VIT: variants seen among roughly 807,000 people sequenced by gnomAD.
VIT encodes the protein vitrin.
Under a neutral mutation model 78.0 loss-of-function variants are expected in VIT, and 99 were observed. The observed-to-expected ratio is 1.27, with a 90% CI of 1.08 to 1.50. VIT has a LOEUF of 1.50. Ranked by LOEUF, VIT falls within the 40% of genes most tolerant of loss-of-function variation. The pLI, the probability that VIT is intolerant of heterozygous loss-of-function variation, is 0.00. For missense variants in VIT, 1,126 were observed against 875.3 expected, an observed-to-expected ratio of 1.29 and a Z score of -3.61; for synonymous variants, 374 against 334.3, an observed-to-expected ratio of 1.12 and a Z score of -1.29.
chr2:36,784,003 A>G (rs1475276112), intron 11 of VIT, among the ~76,000 whole-genome samples: 1 of 152,220 alleles, frequency 6.6e-6, no homozygotes, highest in Non-Finnish European at 1.5e-5. Flanking sequence ...GAGTTGTAAG[A>G]CAATGAGCTA....
intron 3 of VIT, among the ~76,000 whole-genome samples, chr2:36,736,925 CTG>C (rs1667542305): frequency 6.6e-6 from 1 of 152,158 alleles, no homozygotes; most frequent in Admixed American, 6.5e-5. Flanking sequence ...CAGGGACTGT[CTG>C]TATTTACCAC....
intron 14 of VIT, among the ~76,000 whole-genome samples, 183 bp from the exon 15 acceptor site, chr2:36,808,289 C>G (rs1666875854): frequency 2.0e-5 from 3 of 152,210 alleles, no homozygotes; most frequent in South Asian, 4.1e-4. Flanking sequence ...CCAGCGATAA[C>G]CCGGGGGCTT....
At chr2:36,751,772 G>C (rs996041165) in intron 4 of VIT, among the ~76,000 whole-genome samples, 5 of 152,180 alleles carry the variant, frequency 3.3e-5, no homozygotes, top group African/African-American at 9.6e-5. Flanking sequence ...GAGCAATTGA[G>C]TGCCACTGTG....
chr2:36,777,037 C>G (rs959830762), intron 9 of VIT, among the ~76,000 whole-genome samples: 4 of 145,020 alleles, frequency 2.8e-5, no homozygotes, highest in Admixed American at 7.1e-5. Context: ...TGCAGTGAGC[C>G]GAGATCACGC....
chr2:36,794,734 A>G (rs1036776793), intron 12 of VIT, among the ~76,000 whole-genome samples: 1 of 152,214 alleles, frequency 6.6e-6, no homozygotes, highest in Admixed American at 6.5e-5. Flanking sequence ...TTTAGCAATC[A>G]GAAAGGGTTT....
At chr2:36,804,559 C>A (rs1021353963) in intron 13 of VIT, among the ~76,000 whole-genome samples, 1 of 152,166 alleles carries the variant, frequency 6.6e-6, no homozygotes. Context: ...TGGCCAGGCA[C>A]GGTGGTTCAA....
intron 3 of VIT, among the ~76,000 whole-genome samples, chr2:36,729,837 T>C (rs1465938167): frequency 6.6e-6 from 1 of 152,214 alleles, no homozygotes; most frequent in Non-Finnish European, 1.5e-5. Context: ...AAAACTTATT[T>C]TGGCTAATGC....
chr2:36,702,822 T>A (rs1302489731), intron 1 of VIT, among the ~76,000 whole-genome samples: 1 of 152,186 alleles, frequency 6.6e-6, no homozygotes, highest in East Asian at 1.9e-4. Flanking sequence ...CCTACTGCGT[T>A]GGGGATTCCT....
Position 36,805,436 on chromosome 2 carries a change from A to T in VIT, c.1163-2A>T. ...CAAGCATGAATTTTCTTTTTCTTCC[A>T]GGTCGGGCCATCTCCTTTGTGACCA... On this transcript the variant is annotated splice_acceptor_variant, in intron 13 of 15. Transcript: ENST00000379242. LOFTEE classifies it high-confidence loss of function. 2 of 1,595,766 alleles carry T rather than the reference A, an allele frequency of 1.3e-6. No individual in the cohort carries two copies. The highest frequency in any genetic ancestry group is 1.1e-5 in the South Asian group (1 of 88,174).
intron 5 of VIT, among the ~76,000 whole-genome samples, chr2:36,756,600 C>T (rs1315672524): frequency 1.3e-5 from 2 of 152,144 alleles, no homozygotes; most frequent in Non-Finnish European, 2.9e-5. Flanking sequence ...TTGAGCAATC[C>T]ATGTTTCCTT....
chr2:36,743,215 G>T lies in VIT; in HGVS notation c.234G>T (p.Val78=). Residue 78 remains valine (V), a synonymous_variant, in exon 4 of 16, where the codon GTG becomes GTT. Transcript: ENST00000379242. ...DPKYHVYGTD[V]YASYSSVCGA... ...AATACCATGTTTATGGCACTGACGTGTATGCATCCTACTCCAGTGTGTGTG... is the reference window on the plus strand; with the variant it reads ...AATACCATGTTTATGGCACTGACGTTTATGCATCCTACTCCAGTGTGTGTG... The T allele has an allele frequency of 1.2e-6, 2 of 1,614,092 alleles. No homozygotes were observed. The highest frequency in any genetic ancestry group is 1.7e-6 in the Non-Finnish European group (2 of 1,179,960).
chr2:36,791,788 A>T (rs1665520772), intron 12 of VIT, among the ~76,000 whole-genome samples: 1 of 152,176 alleles, frequency 6.6e-6, no homozygotes, highest in Non-Finnish European at 1.5e-5. Flanking sequence ...AGCCATGGAG[A>T]CCCACGTCGG....
In VIT at chr2:36,801,370, G is replaced by T; in HGVS notation, c.1128G>T (p.Glu376Asp). Reference sequence around the variant, plus strand: ...CTCGAGATCTGAAGACAGCCATAGAGAAAATTACTCAGAGAGGAGGACTTT... The same window carrying T: ...CTCGAGATCTGAAGACAGCCATAGATAAAATTACTCAGAGAGGAGGACTTT... ...TNSRDLKTAI[E>D]KITQRGGLSN... The change falls in exon 13 of 16, where the codon GAG (glutamate) becomes GAT (aspartate). Residue 376 changes from glutamate to aspartate, a missense_variant. By Grantham distance (45) the Glu-to-Asp change is conservative. Transcript: ENST00000379242. 6.2e-7 allele frequency: 1 copy of T among 1,614,032 alleles called. No homozygotes were observed.
intron 1 of VIT, among the ~76,000 whole-genome samples, chr2:36,715,367 T>C (rs942122980): frequency 2.0e-5 from 3 of 151,926 alleles, no homozygotes; most frequent in Admixed American, 2.0e-4. Context: ...TGAAACCCAG[T>C]CTCTACTAAA....
At chr2:36,716,331 GT>G in intron 1 of VIT, 21 bp from the exon 2 acceptor site, 3 of 1,603,446 alleles carry the variant, frequency 1.9e-6, no homozygotes, top group Non-Finnish European at 2.6e-6. Context: ...ATATGATGAC[GT>G]TATTGTTTCT....
chr2:36,801,041 T>C (rs190860580), intron 12 of VIT, among the ~76,000 whole-genome samples: 1 of 152,146 alleles, frequency 6.6e-6, no homozygotes, highest in Non-Finnish European at 1.5e-5. Flanking sequence ...TTCATCTACA[T>C]GAGGAATCTG....
intron 3 of VIT, among the ~76,000 whole-genome samples, chr2:36,737,295 T>A (rs866204615): frequency 7.9e-5 from 12 of 151,758 alleles, no homozygotes; most frequent in Admixed American, 5.2e-4. Flanking sequence ...CACTGAGGAG[T>A]CACGGAAATG....
chr2:36,707,978 G>A (rs1008239134), intron 1 of VIT, among the ~76,000 whole-genome samples: 1 of 152,160 alleles, frequency 6.6e-6, no homozygotes, highest in Non-Finnish European at 1.5e-5. Context: ...CTGGGGGATT[G>A]TAGTGATGAC....
At chr2:36,788,495 T>C (rs573706115) in intron 12 of VIT, among the ~76,000 whole-genome samples, 7 of 152,356 alleles carry the variant, frequency 4.6e-5, no homozygotes, top group African/African-American at 1.4e-4. Context: ...CTGGCACTTG[T>C]ATGTAGTCAC....
Sources: allele counts gnomAD v4.1 joint callset (sites outside exome capture counted in the v4.1 genomes callset), GRCh38; gene constraint gnomAD v4.1.1; transcripts MANE v1.5; gene names NCBI Gene and HGNC (gene_info 2026-07-23, HGNC 2026-07-21).